CUL5: variants seen among roughly 807,000 people sequenced by gnomAD.
CUL5 encodes cullin-5.
In CUL5, 26 loss-of-function variants were observed where a neutral mutation model predicts 108.8. The observed-to-expected ratio is 0.24, with a 90% CI of 0.18 to 0.33. CUL5 has a LOEUF of 0.33. Ranked by LOEUF, CUL5 falls within the 10% of genes least tolerant of loss-of-function variation. The probability of loss-of-function intolerance (pLI) is 1.00; values close to 1 mark genes in which losing one functional copy is unlikely to be tolerated. For synonymous variants in CUL5, 334 were observed against 298.0 expected, an observed-to-expected ratio of 1.12 and a Z score of -1.25; for missense variants, 524 against 909.2, an observed-to-expected ratio of 0.58 and a Z score of 5.45.
intron 1 of CUL5, among the ~76,000 whole-genome samples, chr11:108,028,815 C>T (rs1309201422): frequency 1.3e-5 from 2 of 151,918 alleles, no homozygotes; most frequent in Admixed American, 6.6e-5. Flanking sequence ...TAGAGTAAGA[C>T]TCCATCTCAA....
At chr11:108,022,586 A>G (rs1011715095) in intron 1 of CUL5, among the ~76,000 whole-genome samples, 1 of 151,450 alleles carries the variant, frequency 6.6e-6, no homozygotes, top group African/African-American at 2.4e-5. Flanking sequence ...GATAACACTT[A>G]CCCCCAGCCC....
intron 13 of CUL5, among the ~76,000 whole-genome samples, chr11:108,093,889 A>T (rs1565268906): frequency 6.6e-6 from 1 of 152,138 alleles, no homozygotes; most frequent in Non-Finnish European, 1.5e-5. Context: ...TTTTGTAGTG[A>T]TGGGGGTGTC....
At chr11:108,073,352 T>G (rs1186830117) in intron 9 of CUL5, 38 bp from the exon 10 acceptor site, 2 of 949,162 alleles carry the variant, frequency 2.1e-6, no homozygotes, top group Middle Eastern at 2.3e-4. Context: ...GTTATTCTTT[T>G]TCTTTTAAAA....
chr11:108,054,156 T>C (rs549055712), intron 5 of CUL5, among the ~76,000 whole-genome samples: 11 of 152,318 alleles, frequency 7.2e-5, no homozygotes, highest in Admixed American at 2.6e-4. Context: ...TTAATTTTTC[T>C]GTAGACACAT....
intron 2 of CUL5, among the ~76,000 whole-genome samples, chr11:108,037,657 G>A (rs1259249465): frequency 6.6e-6 from 1 of 152,178 alleles, no homozygotes; most frequent in Non-Finnish European, 1.5e-5. Flanking sequence ...TACCAGGGAA[G>A]CTAATTAGGG....
chr11:108,095,158 C>G (rs916292332), intron 15 of CUL5, among the ~76,000 whole-genome samples, 171 bp downstream of exon 15: 1 of 152,120 alleles, frequency 6.6e-6, no homozygotes, highest in Non-Finnish European at 1.5e-5. Context: ...TCTGGTTATA[C>G]CATCATACTT....
At chr11:108,048,251 C>CAA (rs537658328) in intron 3 of CUL5, among the ~76,000 whole-genome samples, 2,000 of 141,498 alleles carry the variant, frequency 0.014, 42 homozygotes, top group African/African-American at 0.049. Context: ...TTTTAAAGAA[C>CAA]AAAAAAAAAA....
At chr11:108,010,285 C>G (rs1367127246) in intron 1 of CUL5, among the ~76,000 whole-genome samples, 4 of 152,218 alleles carry the variant, frequency 2.6e-5, no homozygotes, top group Non-Finnish European at 5.9e-5. Flanking sequence ...CAGCCTAATA[C>G]AAAGGATGAA....
At chr11:108,071,869 C>T (rs899693003) in intron 8 of CUL5, among the ~76,000 whole-genome samples, 1 of 151,672 alleles carries the variant, frequency 6.6e-6, no homozygotes. Context: ...ACTTTTAATT[C>T]GATTTTTTTT....
chr11:108,061,934 C>T (rs1296178339), intron 7 of CUL5, among the ~76,000 whole-genome samples: 1 of 151,848 alleles, frequency 6.6e-6, no homozygotes, highest in Non-Finnish European at 1.5e-5. Context: ...GGAGAAACTG[C>T]CACTTTTAAA....
intron 16 of CUL5, among the ~76,000 whole-genome samples, chr11:108,095,925 A>G (rs2135239977): frequency 6.6e-6 from 1 of 151,388 alleles, no homozygotes; most frequent in Non-Finnish European, 1.5e-5. Flanking sequence ...GTGAAACCCC[A>G]TCTCTACTAA....
chr11:108,083,940 A>G (rs1263465153), intron 11 of CUL5, among the ~76,000 whole-genome samples: 1 of 152,208 alleles, frequency 6.6e-6, no homozygotes, highest in African/African-American at 2.4e-5. Flanking sequence ...ACGTGGCCCA[A>G]CACACACATT....
At chr11:108,077,757 C>T (rs1863976769) in intron 10 of CUL5, among the ~76,000 whole-genome samples, 1 of 152,100 alleles carries the variant, frequency 6.6e-6, no homozygotes, top group Non-Finnish European at 1.5e-5. Context: ...CCAGCCTGGC[C>T]AACATGGTGA....
At chr11:108,011,665 G>A (rs1358113826) in intron 1 of CUL5, among the ~76,000 whole-genome samples, 1 of 150,414 alleles carries the variant, frequency 6.6e-6, no homozygotes, top group East Asian at 1.9e-4. Flanking sequence ...GTCTCGCTCT[G>A]TTGCCAGGCT....
At chr11:108,104,102 G>C in intron 18 of CUL5, 88 bp from the exon 19 acceptor site, 1 of 750,530 alleles carries the variant, frequency 1.3e-6, no homozygotes, top group South Asian at 1.8e-5. Context: ...GATAGAGGAT[G>C]AATATGCATA....
Position 108,073,410 on chromosome 11 carries a change from G to A in CUL5, c.1026G>A (p.Glu342=). ...TCTAGGACTCTGAGAAATACGTTGA[G>A]CAGTTACTTACACTATTTAATAGAT... ...TITTDSEKYV[E]QLLTLFNRFS... is the part of the protein sequence containing the mutation. Residue 342 remains glutamate (E), a synonymous_variant, in exon 10 of 19, where the codon GAG becomes GAA. Transcript: ENST00000393094. 1.3e-6 allele frequency: 2 copies of A among 1,567,634 alleles called. No individual in the cohort carries two copies. The highest frequency in any genetic ancestry group is 1.7e-6 in the Non-Finnish European group (2 of 1,151,340).
intron 12 of CUL5, 43 bp downstream of exon 12, chr11:108,088,702 T>C (rs1484089179): frequency 1.3e-6 from 2 of 1,489,112 alleles, no homozygotes; most frequent in African/African-American, 2.8e-5. Context: ...ATTACCTTAC[T>C]TTGAATTTGT....
intron 12 of CUL5, 140 bp from the exon 13 acceptor site, chr11:108,089,352 G>A: frequency 2.0e-6 from 1 of 500,532 alleles, no homozygotes; most frequent in Non-Finnish European, 3.4e-6. Context: ...ATTTCTCAGA[G>A]ATGGATAATT....
chr11:108,100,933 G>A (rs1406919831), intron 18 of CUL5, among the ~76,000 whole-genome samples: 1 of 152,150 alleles, frequency 6.6e-6, no homozygotes, highest in Non-Finnish European at 1.5e-5. Flanking sequence ...GGAGGCTGAG[G>A]CAGGGGAATG....
Sources: gnomAD v4.1 joint callset for allele counts (sites outside exome capture counted in the v4.1 genomes callset) on GRCh38, gnomAD v4.1.1 for gene constraint, MANE v1.5 for transcripts, NCBI Gene and HGNC (gene_info 2026-07-23, HGNC 2026-07-21) for gene names.